Variants in SCHIP1 observed in about 807,000 individuals in gnomAD.
The protein encoded by SCHIP1 is schwannomin-interacting protein 1.
In SCHIP1, 8 loss-of-function variants were observed where a neutral mutation model predicts 29.7. The ratio of observed to expected loss-of-function variants is 0.27; its 90% CI spans 0.16 to 0.49. SCHIP1 has a LOEUF of 0.49. Ranked by LOEUF, SCHIP1 falls within the 20% of genes least tolerant of loss-of-function variation. The pLI, the probability that SCHIP1 is intolerant of heterozygous loss-of-function variation, is 0.99. For missense variants in SCHIP1, 193 were observed against 294.6 expected, an observed-to-expected ratio of 0.66 and a Z score of 2.52; for synonymous variants, 76 against 94.9, an observed-to-expected ratio of 0.80 and a Z score of 1.16.
the SCHIP1 span, among the ~76,000 whole-genome samples, chr3:159,316,283 A>G: frequency 3.3e-5 from 5 of 152,120 alleles, no homozygotes; most frequent in Admixed American, 3.3e-4. Flanking sequence ...GAGCAAGGAG[A>G]GCCAGTCCGA....
At chr3:159,790,918 TTA>T in the SCHIP1 span, among the ~76,000 whole-genome samples, 1 of 152,180 alleles carries the variant, frequency 6.6e-6, no homozygotes, top group East Asian at 1.9e-4. Context: ...AAAGTTGTGT[TTA>T]TGTTATTTAT....
At chr3:159,482,792 C>T in the SCHIP1 span, among the ~76,000 whole-genome samples, 9 of 152,110 alleles carry the variant, frequency 5.9e-5, no homozygotes, top group Non-Finnish European at 1.3e-4. Flanking sequence ...TCTCCAACTA[C>T]CACCTCGGGA....
At chr3:159,839,133 C>G (rs1454026036), upstream of SCHIP1, among the ~76,000 whole-genome samples, 1 of 151,954 alleles carries the variant, frequency 6.6e-6, no homozygotes, top group Non-Finnish European at 1.5e-5. Flanking sequence ...CATGTATTGT[C>G]TGACTTGTAT....
chr3:159,663,365 C>T, the SCHIP1 span, among the ~76,000 whole-genome samples: 2 of 152,056 alleles, frequency 1.3e-5, no homozygotes, highest in East Asian at 1.9e-4. Context: ...AGGTGAGCTC[C>T]CACAAGAAGC....
chr3:159,409,089 C>T, the SCHIP1 span, among the ~76,000 whole-genome samples: 2 of 152,050 alleles, frequency 1.3e-5, no homozygotes, highest in Admixed American at 1.3e-4. Flanking sequence ...ATTCAACATC[C>T]CTTCATGACA....
the SCHIP1 span, among the ~76,000 whole-genome samples, chr3:159,796,445 A>C: frequency 6.6e-6 from 1 of 152,274 alleles, no homozygotes; most frequent in African/African-American, 2.4e-5. Context: ...TGCTGCTTGC[A>C]AGGGAGACCT....
At chr3:159,591,762 C>T in the SCHIP1 span, among the ~76,000 whole-genome samples, 4 of 151,768 alleles carry the variant, frequency 2.6e-5, no homozygotes, top group African/African-American at 9.7e-5. Flanking sequence ...ACACCAAGGC[C>T]TGTCGGGGGG....
chr3:159,779,070 G>T, the SCHIP1 span, among the ~76,000 whole-genome samples: 1 of 152,128 alleles, frequency 6.6e-6, no homozygotes, highest in African/African-American at 2.4e-5. Context: ...TTAAGTTTCT[G>T]GTGGAATTGT....
chr3:159,839,643 T>C (rs970073771), upstream of SCHIP1, among the ~76,000 whole-genome samples: 91 of 136,854 alleles, frequency 6.6e-4, no homozygotes, highest in Non-Finnish European at 9.3e-4. Flanking sequence ...TTTTTTTTTT[T>C]TTTTTTTTTT....
At chr3:159,435,482 C>T in the SCHIP1 span, among the ~76,000 whole-genome samples, 1 of 152,114 alleles carries the variant, frequency 6.6e-6, no homozygotes, top group Non-Finnish European at 1.5e-5. Context: ...TGTCAGTTTT[C>T]TCCCCATAGG....
At chr3:159,697,723 T>A in the SCHIP1 span, among the ~76,000 whole-genome samples, 1 of 152,106 alleles carries the variant, frequency 6.6e-6, no homozygotes, top group Non-Finnish European at 1.5e-5. Context: ...TCATAGATAG[T>A]TTTTAGAAAA....
the SCHIP1 span, among the ~76,000 whole-genome samples, chr3:159,406,313 T>C: frequency 6.6e-6 from 1 of 152,134 alleles, no homozygotes; most frequent in Non-Finnish European, 1.5e-5. Flanking sequence ...GAAGGTGGCA[T>C]GACATATTTA....
chr3:159,391,510 T>G, the SCHIP1 span, among the ~76,000 whole-genome samples: 5 of 152,162 alleles, frequency 3.3e-5, no homozygotes, highest in African/African-American at 1.2e-4. Context: ...TGAAAGCAAT[T>G]AAGTTTTACA....
chr3:159,432,331 TGTGTGTGTGAGAGAGAGA>T, the SCHIP1 span, among the ~76,000 whole-genome samples: 1,442 of 90,254 alleles, frequency 0.016, 13 homozygotes, highest in Non-Finnish European at 0.026. Flanking sequence ...TGTGTGTGTG[TGTGTGTGTGAGAGAGAGA>T]GAGAGAGAGA....
the SCHIP1 span, among the ~76,000 whole-genome samples, chr3:159,427,470 C>T: frequency 1.3e-5 from 2 of 151,846 alleles, no homozygotes; most frequent in Non-Finnish European, 2.9e-5. Context: ...AATAAAATAC[C>T]TAGGAATCCA....
At chr3:159,842,997 C>CTTTTTTTTTGTTTTTT (rs1440922016) in intron 1 of SCHIP1, among the ~76,000 whole-genome samples, 1 of 61,742 alleles carries the variant, frequency 1.6e-5, no homozygotes, top group Admixed American at 2.2e-4. Context: ...CCCAATATTT[C>CTTTTTTTTTGTTTTTT]TTTCTTTTTT....
At chr3:159,800,276 G>A in the SCHIP1 span, among the ~76,000 whole-genome samples, 6 of 152,124 alleles carry the variant, frequency 3.9e-5, no homozygotes, top group Non-Finnish European at 7.4e-5. Flanking sequence ...AGGAGAAGTC[G>A]AGTGTAATTG....
chr3:159,394,936 G>A, the SCHIP1 span, among the ~76,000 whole-genome samples: 32,426 of 151,912 alleles, frequency 0.21, 3,583 homozygotes, highest in Middle Eastern at 0.29. Context: ...CTGTGAATCC[G>A]TCTGGGCCTG....
chr3:159,825,675 A>C, the SCHIP1 span, among the ~76,000 whole-genome samples: 1 of 152,174 alleles, frequency 6.6e-6, no homozygotes, highest in Admixed American at 6.5e-5. Flanking sequence ...CAGATGCTAG[A>C]TGGGCAATGG....
Sources: allele counts gnomAD v4.1 joint callset (sites outside exome capture counted in the v4.1 genomes callset), GRCh38; gene constraint gnomAD v4.1.1; transcripts MANE v1.5; gene names NCBI Gene and HGNC (gene_info 2026-07-23, HGNC 2026-07-21).